The following EPB41L3 variants were observed in gnomAD, a reference collection of about 807,000 sequenced individuals.
EPB41L3 encodes band 4.1-like protein 3.
A neutral mutation model predicts 127.1 loss-of-function variants in EPB41L3; 57 were observed. That is an observed-to-expected ratio of 0.45 (90% CI 0.36 to 0.56). The LOEUF (loss-of-function observed/expected upper bound fraction) is 0.56, where lower values mean the gene tolerates loss of function less well. Among genes scored for constraint, EPB41L3 ranks in the 20% least tolerant of loss-of-function variants. EPB41L3 has a pLI of 0.00. For missense variants in EPB41L3, 1,273 were observed against 1,372.2 expected (o/e 0.93, Z 1.14); for synonymous variants, 572 against 549.5 (o/e 1.04, Z -0.57).
intron 2 of EPB41L3, among the ~76,000 whole-genome samples, chr18:5,488,414 G>C (rs1253791605): frequency 6.6e-6 from 1 of 151,630 alleles, no homozygotes; most frequent in African/African-American, 2.4e-5. Context: ...GGGCCTGTCG[G>C]GGACTGGGGG....
intron 1 of EPB41L3, among the ~76,000 whole-genome samples, chr18:5,519,941 A>C (rs570181601): frequency 2.6e-5 from 4 of 152,320 alleles, no homozygotes; most frequent in African/African-American, 7.2e-5. Context: ...ACTCAAACCT[A>C]AAATGTCTGC....
intron 3 of EPB41L3, among the ~76,000 whole-genome samples, chr18:5,454,205 C>T (rs4407148): frequency 0.71 from 103,040 of 145,306 alleles, 36,192 homozygotes; most frequent in East Asian, 0.83. Context: ...TTTTTTGTTT[C>T]CTTGTTTTTT....
intron 3 of EPB41L3, among the ~76,000 whole-genome samples, chr18:5,596,249 C>T (rs1162984339): frequency 2.0e-5 from 3 of 152,198 alleles, no homozygotes; most frequent in Non-Finnish European, 2.9e-5. Context: ...ACACTGATTT[C>T]TGGGTCCCAC....
chr18:5,482,165 G>A (rs2088687776), intron 2 of EPB41L3, among the ~76,000 whole-genome samples: 1 of 152,136 alleles, frequency 6.6e-6, no homozygotes, highest in South Asian at 2.1e-4. Flanking sequence ...TGAAGAGATT[G>A]AAATACTTTT....
Position 5,569,976 on chromosome 18 carries a change from A to G in EPB41L3, c.-306+42364T>C, listed in dbSNP as rs1217441255. On this transcript the variant is annotated intron_variant, in intron 3 of 21. Transcript: ENST00000545076. ...ACACTTCTGAGTTTTGTTAAAAAGCACTATTTTGTCAGCTATGGGATGGTT... is the reference window on the plus strand; with the variant it reads ...ACACTTCTGAGTTTTGTTAAAAAGCGCTATTTTGTCAGCTATGGGATGGTT... Among the ~76,000 whole-genome samples, 3 of 152,260 alleles carry G rather than the reference A, an allele frequency of 2.0e-5. No homozygotes were observed. The East Asian group carries it at 5.8e-4, about 29-fold the overall frequency.
At chr18:5,492,201 T>C (rs2090676552) in intron 1 of EPB41L3, among the ~76,000 whole-genome samples, 1 of 152,048 alleles carries the variant, frequency 6.6e-6, no homozygotes, top group Non-Finnish European at 1.5e-5. Flanking sequence ...TTGCCTGTAA[T>C]CCTAGCTACT....
chr18:5,508,750 G>C (rs528599584), intron 1 of EPB41L3, among the ~76,000 whole-genome samples: 25 of 127,606 alleles, frequency 2.0e-4, no homozygotes, highest in African/African-American at 7.6e-4. Flanking sequence ...CTGGGCAAGA[G>C]AGCGAGACTC....
chr18:5,504,952 T>C (rs1465452675), intron 1 of EPB41L3, among the ~76,000 whole-genome samples: 3 of 152,028 alleles, frequency 2.0e-5, no homozygotes, highest in African/African-American at 4.8e-5. Context: ...AAGCCCCCAG[T>C]CCACCCATTT....
chr18:5,525,360 T>C (rs1407348115), intron 1 of EPB41L3, among the ~76,000 whole-genome samples: 1 of 152,164 alleles, frequency 6.6e-6, no homozygotes, highest in Non-Finnish European at 1.5e-5. Flanking sequence ...AGAATAGTAA[T>C]ATTAATAACA....
At chr18:5,459,067 G>A (rs1353286476) in intron 3 of EPB41L3, among the ~76,000 whole-genome samples, 2 of 152,062 alleles carry the variant, frequency 1.3e-5, no homozygotes, top group African/African-American at 4.8e-5. Context: ...TATTCTCTTT[G>A]TGAATATGTT....
intron 3 of EPB41L3, among the ~76,000 whole-genome samples, chr18:5,593,049 C>T (rs1363660069): frequency 6.6e-6 from 1 of 152,150 alleles, no homozygotes; most frequent in Non-Finnish European, 1.5e-5. Context: ...AAACCAGTGC[C>T]AGGGCCCAAT....
intron 3 of EPB41L3, among the ~76,000 whole-genome samples, chr18:5,474,110 A>AC (rs2086691384): frequency 6.6e-6 from 1 of 152,110 alleles, no homozygotes; most frequent in South Asian, 2.1e-4. Flanking sequence ...GGGCGCCTGT[A>AC]GTCCCAGCTA....
intron 3 of EPB41L3, among the ~76,000 whole-genome samples, chr18:5,598,870 C>A (rs1044389703): frequency 6.6e-6 from 1 of 152,196 alleles, no homozygotes; most frequent in Non-Finnish European, 1.5e-5. Flanking sequence ...TACACTTGTG[C>A]TCAGTCTCTT....
chr18:5,456,000 G>T (rs182044873), intron 3 of EPB41L3, among the ~76,000 whole-genome samples: 98 of 152,186 alleles, frequency 6.4e-4, no homozygotes, highest in African/African-American at 1.9e-3. Flanking sequence ...GAATTTTCCT[G>T]TGAGAGGAAG....
intron 1 of EPB41L3, among the ~76,000 whole-genome samples, chr18:5,500,065 G>T (rs1195686293): frequency 6.6e-6 from 1 of 152,020 alleles, no homozygotes; most frequent in Non-Finnish European, 1.5e-5. Context: ...CTTTAAAACA[G>T]ACTGAGCCTA....
intron 1 of EPB41L3, among the ~76,000 whole-genome samples, chr18:5,540,985 T>C (rs2093703656): frequency 6.7e-6 from 1 of 149,278 alleles, no homozygotes; most frequent in East Asian, 2.0e-4. Context: ...CTCGGGAGGC[T>C]GAGGCAGGAG....
intron 2 of EPB41L3, among the ~76,000 whole-genome samples, chr18:5,488,567 A>G (rs865794698): frequency 3.3e-5 from 5 of 150,686 alleles, no homozygotes; most frequent in South Asian, 2.1e-4. Context: ...GTATAATAAT[A>G]ATGATGATGA....
chr18:5,557,356 A>T (rs1037591243), intron 3 of EPB41L3, among the ~76,000 whole-genome samples: 3 of 152,142 alleles, frequency 2.0e-5, no homozygotes, highest in Non-Finnish European at 1.5e-5. Flanking sequence ...AAAAAAGTTT[A>T]AAAATGGCTC....
chr18:5,412,603 T>G (rs1376078553), intron 13 of EPB41L3, among the ~76,000 whole-genome samples: 1 of 152,192 alleles, frequency 6.6e-6, no homozygotes, highest in African/African-American at 2.4e-5. Context: ...TCTCCTCCTA[T>G]TTAGCTTATT....
Sources: allele counts gnomAD v4.1 joint callset (sites outside exome capture counted in the v4.1 genomes callset), GRCh38; gene constraint gnomAD v4.1.1; transcripts MANE v1.5; gene names NCBI Gene and HGNC (gene_info 2026-07-23, HGNC 2026-07-21).